SPTBN1: variants seen among roughly 807,000 people sequenced by gnomAD.
The protein encoded by SPTBN1 is spectrin beta chain, non-erythrocytic 1.
In SPTBN1, 32 loss-of-function variants were observed where a neutral mutation model predicts 266.4. That is an observed-to-expected ratio of 0.12 (90% CI 0.09 to 0.16). The LOEUF (loss-of-function observed/expected upper bound fraction) is 0.16, where lower values mean the gene tolerates loss of function less well. Ranked by LOEUF, SPTBN1 falls within the 10% of genes least tolerant of loss-of-function variation. SPTBN1 has a pLI of 1.00. For missense variants in SPTBN1, 2,296 were observed against 3,067.1 expected (o/e 0.75, Z 5.94); for synonymous variants, 1,336 against 1,162.2 (o/e 1.15, Z -3.04).
intron 2 of SPTBN1, among the ~76,000 whole-genome samples, chr2:54,583,004 C>T (rs963781448): frequency 7.9e-5 from 12 of 152,176 alleles, no homozygotes; most frequent in Non-Finnish European, 1.8e-4. Flanking sequence ...TCAGTAAACC[C>T]TGACTATAGG....
chr2:54,605,035 C>T (rs1260679986), intron 3 of SPTBN1, among the ~76,000 whole-genome samples: 1 of 152,078 alleles, frequency 6.6e-6, no homozygotes, highest in African/African-American at 2.4e-5. Flanking sequence ...CTAGGGAATC[C>T]GATGGCCAAT....
rs762762809 is a variant in SPTBN1 at position 54,558,686 on chromosome 2, C to T, written c.148+32120C>T. The T allele has an allele frequency of 1.3e-6, 2 of 1,537,228 alleles. No homozygotes were observed. Among genetic ancestry groups the T allele is most frequent in the Non-Finnish European group, 8.8e-7 (1 of 1,138,334 alleles). ...AATGGGGCTCGCCTAAGGAGCCGAGCGCTGCGGAGGCTGCTGCGTGTTGGA... is the reference window on the plus strand; with the variant it reads ...AATGGGGCTCGCCTAAGGAGCCGAGTGCTGCGGAGGCTGCTGCGTGTTGGA... On this transcript the variant is annotated intron_variant, in intron 2 of 35. Transcript: ENST00000356805. This position sits in a 1 kb window ranked among gnomAD's most constrained non-coding sequence, Gnocchi z 4.6.
chr2:54,649,992 G>T lies in SPTBN1; in HGVS notation c.5577+3G>T. ...ACATCCAGGCTCTGGGCACACAGGT[G>T]GGTATGGCAGCCACCCAGGGGTGCT... is the stretch of plus-strand genomic sequence containing the variant. On this transcript the variant is annotated splice_donor_region_variant and intron_variant, in intron 26 of 35. Coordinates refer to ENST00000356805, the MANE Select transcript of SPTBN1 (RefSeq NM_003128.3). The surrounding 1 kb of genome is among the most constrained non-coding windows in gnomAD (Gnocchi z 6.7). 6.2e-7 allele frequency: 1 copy of T among 1,602,004 alleles called. No individual in the cohort carries two copies. Among genetic ancestry groups the T allele is most frequent in the South Asian group, 1.1e-5 (1 of 90,580 alleles).
In SPTBN1 at chr2:54,652,001, G is replaced by A. The variant is rs558482019; in HGVS notation, c.5578-1608G>A. On this transcript the variant is annotated intron_variant, in intron 26 of 35. Coordinates refer to ENST00000356805, the MANE Select transcript of SPTBN1 (RefSeq NM_003128.3). ...CTCCCCACAAGCCCTACTGCTGTCC[G>A]TACCCCCCCGCCTTTTACCCCACTT... is the stretch of plus-strand genomic sequence containing the variant. Among the ~76,000 whole-genome samples, 16 of 151,948 alleles carry A rather than the reference G, an allele frequency of 1.1e-4. No individual in the cohort carries two copies. The East Asian group carries it at 1.2e-3, about 11-fold the overall frequency.
At chr2:54,661,575 A>G (rs546346623) in intron 32 of SPTBN1, 2 of 985,840 alleles carry the variant, frequency 2.0e-6, no homozygotes, top group Non-Finnish European at 2.4e-6. Flanking sequence ...TGGGGGTAGT[A>G]TGCATCATTA....
intron 2 of SPTBN1, among the ~76,000 whole-genome samples, chr2:54,563,596 T>C (rs1221253573): frequency 3.8e-5 from 2 of 52,832 alleles, no homozygotes; most frequent in Non-Finnish European, 9.2e-5. Flanking sequence ...ATTTATTCTT[T>C]TTTTTTTTTT....
At chr2:54,546,078 T>C (rs964716458) in intron 2 of SPTBN1, among the ~76,000 whole-genome samples, 4 of 152,234 alleles carry the variant, frequency 2.6e-5, no homozygotes, top group African/African-American at 4.8e-5. Flanking sequence ...TAACAAGAAC[T>C]AGTGTAACTT....
At chr2:54,638,619 T>C (rs961795100) in intron 18 of SPTBN1, among the ~76,000 whole-genome samples, 19 of 152,242 alleles carry the variant, frequency 1.2e-4, no homozygotes, top group African/African-American at 3.4e-4. Flanking sequence ...AGTTGGAGAA[T>C]AGTATCTAGC....
At chr2:54,616,492 G>A (rs944220402) in intron 5 of SPTBN1, among the ~76,000 whole-genome samples, 194 bp downstream of exon 5, 1 of 152,180 alleles carries the variant, frequency 6.6e-6, no homozygotes, top group Non-Finnish European at 1.5e-5. Flanking sequence ...TTTTAGACCT[G>A]TCATGTCTTC....
At chr2:54,526,703 A>G (rs1160695645) in intron 2 of SPTBN1, 137 bp downstream of exon 2, 1 of 1,092,280 alleles carries the variant, frequency 9.2e-7, no homozygotes, top group African/African-American at 1.6e-5. Context: ...CTTGAGAGCC[A>G]GCTGACCATT....
intron 2 of SPTBN1, among the ~76,000 whole-genome samples, chr2:54,559,485 G>A (rs376362907): frequency 6.6e-6 from 1 of 152,196 alleles, no homozygotes; most frequent in African/African-American, 2.4e-5. Flanking sequence ...AACCCTATGG[G>A]TTGGATTAGT....
rs1327027637 is a variant in SPTBN1 at position 54,666,007 on chromosome 2, G to A, written c.6752G>A (p.Ser2251Asn). The A allele has an allele frequency of 6.2e-7, 1 of 1,613,984 alleles. No homozygotes were observed. Among genetic ancestry groups the A allele is most frequent in the East Asian group, 2.2e-5 (1 of 44,896 alleles). Residue 2251 changes from serine (S) to asparagine (N), a missense_variant, in exon 34 of 36, where the codon AGC becomes AAC. Transcript: ENST00000356805. ...GCTGCTTCTGGAATTCCCTACCACAGCGAGGTCCCTGTGAGTTTGAAAGAA... is the reference window on the plus strand; with the variant it reads ...GCTGCTTCTGGAATTCCCTACCACAACGAGGTCCCTGTGAGTTTGAAAGAA... ...KTAASGIPYH[S>N]EVPVSLKEAV... is the part of the protein sequence containing the mutation.
chr2:54,524,351 C>T (rs950693837), intron 1 of SPTBN1, among the ~76,000 whole-genome samples: 2 of 152,126 alleles, frequency 1.3e-5, no homozygotes, highest in East Asian at 3.8e-4. Flanking sequence ...TGTTTCCCCC[C>T]AGTGAAATTT....
chr2:54,631,193 C>G lies in SPTBN1; in HGVS notation c.3146C>G (p.Thr1049Ser). 1 of 1,614,180 alleles carries G rather than the reference C, an allele frequency of 6.2e-7. No individual in the cohort carries two copies. Among genetic ancestry groups the G allele is most frequent in the Non-Finnish European group, 8.5e-7 (1 of 1,180,030 alleles). ...EISDVWEEMK[T>S]TLKNREASLG... ...AGCGACGTGTGGGAGGAGATGAAGA[C>G]CACCCTGAAAAACCGAGAGGCCTCC... The change falls in exon 16 of 36, where the codon ACC (threonine) becomes AGC (serine). Residue 1049 changes from threonine to serine, a missense_variant. Coordinates refer to ENST00000356805, the MANE Select transcript of SPTBN1 (RefSeq NM_003128.3).
intron 1 of SPTBN1, among the ~76,000 whole-genome samples, chr2:54,505,827 T>C (rs941847273): frequency 3.3e-5 from 5 of 152,188 alleles, no homozygotes; most frequent in African/African-American, 4.8e-5. Context: ...TTGGGAACTT[T>C]ATTTTTAAAA....
rs1672767455 is a variant in SPTBN1, at chr2:54,554,781, T to G, written c.148+28215T>G. On this transcript the variant is annotated intron_variant, in intron 2 of 35. Transcript: ENST00000356805. The surrounding 1 kb of genome is among the most constrained non-coding windows in gnomAD (Gnocchi z 4.5). ...CCATATCTTTGAGCCATCTTCCCACTGGCCTTTTCCTACCTATGCCAACTT... is the reference window on the plus strand; with the variant it reads ...CCATATCTTTGAGCCATCTTCCCACGGGCCTTTTCCTACCTATGCCAACTT... Among the ~76,000 whole-genome samples, 1 of 152,194 alleles carries G rather than the reference T, an allele frequency of 6.6e-6. No homozygotes were observed. Among genetic ancestry groups the G allele is most frequent in the Non-Finnish European group, 1.5e-5 (1 of 68,020 alleles).
chr2:54,506,822 C>G (rs1669585442), intron 1 of SPTBN1, among the ~76,000 whole-genome samples: 2 of 151,306 alleles, frequency 1.3e-5, no homozygotes. Context: ...AGGAGAGGCC[C>G]TGGGCTGGGA....
intron 2 of SPTBN1, among the ~76,000 whole-genome samples, chr2:54,583,700 C>T (rs528846680): frequency 1.3e-5 from 2 of 152,118 alleles, no homozygotes; most frequent in South Asian, 4.2e-4. Context: ...TTAGTATGCC[C>T]CAGAAGAAAG....
rs966859061 is a variant in SPTBN1, at chr2:54,599,710, A to G, written c.300+467A>G. 2.3e-4 allele frequency among the ~76,000 whole-genome samples: 35 copies of G among 152,088 alleles called. 1 individual carries two copies. The highest frequency in any genetic ancestry group is 7.5e-4 in the African/African-American group (31 of 41,400). ...ATGTTTTCTTCCCTGCACGCTTTTT[A>G]TTTTGGGAGTGGAGGGAGAAGCTGG... is the stretch of plus-strand genomic sequence containing the variant. On this transcript the variant is annotated intron_variant, in intron 3 of 35. Coordinates refer to ENST00000356805, the MANE Select transcript of SPTBN1 (RefSeq NM_003128.3).
Sources: allele counts gnomAD v4.1 joint callset (sites outside exome capture counted in the v4.1 genomes callset), GRCh38; gene constraint gnomAD v4.1.1; non-coding constraint Gnocchi (gnomAD v3.1); transcripts MANE v1.5; gene names NCBI Gene and HGNC (gene_info 2026-07-23, HGNC 2026-07-21).